RADIL: variants seen among roughly 807,000 people sequenced by gnomAD.
RADIL encodes the protein ras-associating and dilute domain-containing protein.
Under a neutral mutation model 97.6 loss-of-function variants are expected in RADIL, and 99 were observed. The ratio of observed to expected loss-of-function variants is 1.01; its 90% CI spans 0.86 to 1.20. RADIL has a LOEUF of 1.20. RADIL is among the 50% of genes most tolerant of loss of function. The pLI is 0.00. For missense variants in RADIL, 1,765 were observed against 1,498.9 expected, an observed-to-expected ratio of 1.18 and a Z score of -2.93; for synonymous variants, 803 against 691.8, an observed-to-expected ratio of 1.16 and a Z score of -2.52.
chr7:4,811,381 C>T (rs1453128059), intron 9 of RADIL: 2 of 151,042 alleles, frequency 1.3e-5, no homozygotes, highest in African/African-American at 2.4e-5. Context: ...AGCCCCTTTT[C>T]GAGTTTTGCT....
intron 2 of RADIL, among the ~76,000 whole-genome samples, chr7:4,847,716 T>C (rs1783605897): frequency 1.3e-5 from 1 of 76,488 alleles, no homozygotes; most frequent in Non-Finnish European, 2.5e-5. Flanking sequence ...CTCAAAAATA[T>C]GCTACGTGAA....
intron 5 of RADIL, among the ~76,000 whole-genome samples, chr7:4,827,734 C>T (rs913885298): frequency 1.1e-4 from 16 of 152,164 alleles, no homozygotes; most frequent in South Asian, 2.1e-4. Flanking sequence ...TCGGCCAACA[C>T]GGGTCTCCCT....
At chr7:4,856,462 T>G (rs974632259) in intron 2 of RADIL, among the ~76,000 whole-genome samples, 1 of 152,196 alleles carries the variant, frequency 6.6e-6, no homozygotes, top group East Asian at 1.9e-4. Flanking sequence ...ATATTCTGGA[T>G]AGTAATCATT....
At position 4,799,614 on chromosome 7, in the gene RADIL, C is replaced by T; in HGVS notation, c.3122+16G>A. On this transcript the variant is annotated intron_variant, in intron 14 of 14. Coordinates refer to ENST00000399583, the MANE Select transcript of RADIL (RefSeq NM_018059.5). The stretch of plus-strand genomic sequence containing the variant: ...CATCTGGGAGAAGGGGCCGGGCGTG[C>T]ATGCGGTGGGGGTACCTCAGGTAGC... The T allele has an allele frequency of 6.2e-7, 1 of 1,604,952 alleles. No homozygotes were observed. The highest frequency in any genetic ancestry group is 8.5e-7 in the Non-Finnish European group (1 of 1,175,186).
chr7:4,833,634 G>A (rs1327676912), intron 4 of RADIL, among the ~76,000 whole-genome samples: 2 of 152,224 alleles, frequency 1.3e-5, no homozygotes, highest in East Asian at 1.9e-4. Context: ...ATATGAGAAA[G>A]TGATAAGGTT....
chr7:4,861,748 G>A (rs773486465), intron 2 of RADIL: 12 of 1,504,250 alleles, frequency 8.0e-6, no homozygotes, highest in Admixed American at 2.4e-5. Context: ...AGGAGACGCC[G>A]TAGCGATTCG....
rs142230433 is a variant in RADIL, at chr7:4,878,515, G to A, written c.-64-312C>T. On this transcript the variant is annotated intron_variant, in intron 1 of 14. Coordinates refer to ENST00000399583, the MANE Select transcript of RADIL (RefSeq NM_018059.5). The surrounding 1 kb of genome is among the most constrained non-coding windows in gnomAD (Gnocchi z 4.1). ...TGATAGTGCCACGGCCCTCCAGCCC[G>A]GGCAGCAGAGCAAGACCCCATCTCA... 5.2e-4 allele frequency among the ~76,000 whole-genome samples: 79 copies of A among 152,292 alleles called. No individual in the cohort carries two copies. In the East Asian group the frequency reaches 0.011, roughly 22 times the overall value.
At chr7:4,843,971 G>A (rs544710513) in intron 2 of RADIL, among the ~76,000 whole-genome samples, 3 of 149,260 alleles carry the variant, frequency 2.0e-5, no homozygotes, top group African/African-American at 7.4e-5. Context: ...GAACATATTA[G>A]CCTCATTTTG....
In RADIL at chr7:4,800,439, C is replaced by T. The variant is rs560282013; in HGVS notation, c.2843-129G>A. 873 of 1,042,954 alleles carry T rather than the reference C, an allele frequency of 8.4e-4. 1 individual carries two copies. Among genetic ancestry groups the T allele is most frequent in the Non-Finnish European group, 9.9e-4 (757 of 768,482 alleles). 64.6% of individuals were successfully genotyped at this position (1,042,954 alleles called of 1,614,324 possible). A position where few individuals can be genotyped will look rare whatever the true frequency, so the allele number is the denominator to read the frequency against. On this transcript the variant is annotated intron_variant, in intron 12 of 14. Transcript: ENST00000399583. ...ATGGCCTCCTGTGGCTCCCAGGAGA[C>T]GCTGTTCAGGCAGAATGTGACCGGC...
chr7:4,841,580 C>G (rs974336879), intron 2 of RADIL, among the ~76,000 whole-genome samples: 37 of 152,302 alleles, frequency 2.4e-4, no homozygotes, highest in African/African-American at 8.9e-4. Context: ...CCTACTGCCC[C>G]GTGTTGATCC....
At chr7:4,856,900 C>T (rs777401064) in intron 2 of RADIL, among the ~76,000 whole-genome samples, 5 of 152,226 alleles carry the variant, frequency 3.3e-5, no homozygotes, top group Non-Finnish European at 5.9e-5. Context: ...TGACTGATTG[C>T]CCTCTACAAA....
chr7:4,854,799 A>G lies in RADIL; in HGVS notation c.536-18194T>C, dbSNP rs6970381. ...TTGTAACTTAGACTAATAACAAAAT[A>G]AACACCATTTCATCCACCACCCAAC... On this transcript the variant is annotated intron_variant, in intron 2 of 14. Coordinates refer to ENST00000399583, the MANE Select transcript of RADIL (RefSeq NM_018059.5). This position sits in a 1 kb window ranked among gnomAD's most constrained non-coding sequence, Gnocchi z 5.1. Among the ~76,000 whole-genome samples, 68,688 of 152,088 alleles carry G rather than the reference A, an allele frequency of 0.45. 16,871 individuals carry two copies. The highest frequency in any genetic ancestry group is 0.64 in the African/African-American group (26,628 of 41,454).
At position 4,803,553 on chromosome 7, in the gene RADIL, C is replaced by A. The variant is rs942578602; in HGVS notation, c.2492G>T (p.Cys831Phe). The change falls in exon 11 of 15, where the codon TGC becomes TTC. Residue 831 changes from cysteine (C) to phenylalanine (F), a missense_variant. Coordinates refer to ENST00000399583, the MANE Select transcript of RADIL (RefSeq NM_018059.5). ...GGCCCCCTCCCCGGGTACCTCGGGG[C>A]ACACTGGCTGGGAGGCCCCACTGCC... Reference protein sequence around the residue: ...RPGSGASQPVCPEGMHHVVLD... With the variant: ...RPGSGASQPVFPEGMHHVVLD... The A allele has an allele frequency of 6.5e-7, 1 of 1,540,700 alleles. No homozygotes were observed. Among genetic ancestry groups the A allele is most frequent in the Non-Finnish European group, 8.8e-7 (1 of 1,141,108 alleles).
At position 4,866,883 on chromosome 7, in the gene RADIL, C is replaced by T. The variant is rs114148216; in HGVS notation, c.535+10722G>A. On this transcript the variant is annotated intron_variant, in intron 2 of 14. Transcript: ENST00000399583. ...CATGAATGGCTGGTACTGTGCTCAC[C>T]GTAGTAAATGAGTTCTCGTTCTGGC... Among the ~76,000 whole-genome samples, 1,110 of 152,298 alleles carry T rather than the reference C, an allele frequency of 7.3e-3. 16 individuals carry two copies. The highest frequency in any genetic ancestry group is 0.026 in the African/African-American group (1,061 of 41,564).
chr7:4,875,382 G>C (rs1784352541), intron 2 of RADIL, among the ~76,000 whole-genome samples: 1 of 150,840 alleles, frequency 6.6e-6, no homozygotes, highest in Non-Finnish European at 1.5e-5. Flanking sequence ...GACAGAGAGA[G>C]ACTCCATCTC....
At chr7:4,816,865 G>A (rs1406907072) in intron 7 of RADIL, among the ~76,000 whole-genome samples, 6 of 152,186 alleles carry the variant, frequency 3.9e-5, no homozygotes, top group Admixed American at 3.9e-4. Flanking sequence ...GGCCACAGGG[G>A]GACCGGCGGC....
Position 4,830,268 on chromosome 7 carries a change from G to A in RADIL, c.1454+1873C>T, listed in dbSNP as rs546868892. Among the ~76,000 whole-genome samples the A allele has an allele frequency of 1.7e-4, 26 of 152,326 alleles. No homozygotes were observed. The South Asian group carries it at 5.4e-3, about 32-fold the overall frequency. ...CCCTGCCACCAGGAGGAGACATGTG[G>A]CGGCTTCAGCTCCTGTGCGGACACA... On this transcript the variant is annotated intron_variant, in intron 5 of 14. Coordinates refer to ENST00000399583, the MANE Select transcript of RADIL (RefSeq NM_018059.5).
At chr7:4,876,285 G>A (rs142295934) in intron 2 of RADIL, among the ~76,000 whole-genome samples, 2,306 of 151,994 alleles carry the variant, frequency 0.015, 64 homozygotes, top group African/African-American at 0.053. Context: ...CACCACACCC[G>A]GCCAAATTTA....
intron 2 of RADIL, among the ~76,000 whole-genome samples, chr7:4,874,405 C>A (rs2115049207): frequency 6.6e-6 from 1 of 152,358 alleles, no homozygotes. Context: ...CGGCTCCAGG[C>A]AGAGGCTCAA....
Sources: allele counts gnomAD v4.1 joint callset (sites outside exome capture counted in the v4.1 genomes callset), GRCh38; gene constraint gnomAD v4.1.1; non-coding constraint Gnocchi (gnomAD v3.1); transcripts MANE v1.5; gene names NCBI Gene and HGNC (gene_info 2026-07-23, HGNC 2026-07-21).